ZNF544: variants seen among roughly 807,000 people sequenced by gnomAD.
ZNF544 encodes the protein zinc finger protein AF020591.
ZNF544 carries 10 observed loss-of-function variants against 13.5 expected under a neutral mutation model. The observed-to-expected ratio is 0.74, with a 90% CI of 0.46 to 1.25. The LOEUF (loss-of-function observed/expected upper bound fraction) is 1.25. Ranked by LOEUF, ZNF544 falls within the 50% of genes most tolerant of loss-of-function variation. The pLI is 0.00. For synonymous variants in ZNF544, 323 were observed against 300.5 expected (o/e 1.07, Z -0.77); for missense variants, 896 against 845.6 (o/e 1.06, Z -0.74).
At position 58,261,245 on chromosome 19, in the gene ZNF544, T is replaced by A; in HGVS notation, c.639T>A (p.Cys213Ter). The A allele has an allele frequency of 6.2e-7, 1 of 1,614,202 alleles. No homozygotes were observed. Among genetic ancestry groups the A allele is most frequent in the African/African-American group, 1.3e-5 (1 of 75,058 alleles). ...AAAATGGAGCAGATGGGAAGCACTG[T>A]GAGAGTCATCAGTGTGCTAGAGCTT... ...HEKNGADGKH[C>*]ESHQCARAFC... Residue 213 changes from cysteine to a stop codon, truncating the protein, a stop_gained, in exon 7 of 7, where the codon TGT (cysteine) becomes TGA (stop). Coordinates refer to ENST00000687789, the MANE Select transcript of ZNF544 (RefSeq NM_014480.4). LOFTEE classifies it low-confidence loss of function (END_TRUNC).
chr19:58,238,571 G>A (rs539202427), intron 3 of ZNF544, among the ~76,000 whole-genome samples: 108 of 152,254 alleles, frequency 7.1e-4, no homozygotes, highest in South Asian at 3.1e-3. Flanking sequence ...CTCAGTACAC[G>A]TGTGAGCATC....
chr19:58,259,572 A>G (rs1465007093), intron 6 of ZNF544: 1 of 152,212 alleles, frequency 6.6e-6, no homozygotes, highest in Non-Finnish European at 1.5e-5. Flanking sequence ...TCCAAATGGA[A>G]AACACATTTC....
chr19:58,268,041 T>G (rs560938480), downstream of ZNF544, among the ~76,000 whole-genome samples: 1 of 151,608 alleles, frequency 6.6e-6, no homozygotes, highest in East Asian at 1.9e-4. Flanking sequence ...GGCTCACGCC[T>G]ATAATCCCAA....
At chr19:58,241,183 T>TAATATATATATATATATATA (rs1254015931) in intron 3 of ZNF544, among the ~76,000 whole-genome samples, 3 of 31,456 alleles carry the variant, frequency 9.5e-5, no homozygotes, top group Admixed American at 4.0e-4. Flanking sequence ...ATATATATTT[T>TAATATATATATATATATATA]TTTTTTTTTG....
At chr19:58,240,761 C>CA (rs1233492720) in intron 3 of ZNF544, among the ~76,000 whole-genome samples, 1,820 of 139,796 alleles carry the variant, frequency 0.013, 29 homozygotes, top group African/African-American at 0.043. Context: ...AACTCCATCT[C>CA]AAAAAAAAAA....
intron 3 of ZNF544, 89 bp downstream of exon 3, chr19:58,230,551 T>A (rs910636105): frequency 2.0e-5 from 3 of 152,202 alleles, no homozygotes; most frequent in African/African-American, 7.3e-5. Flanking sequence ...AAGGACAGGG[T>A]TAGAGAGCAA....
intron 6 of ZNF544, among the ~76,000 whole-genome samples, chr19:58,253,279 A>G (rs1396654590): frequency 6.6e-6 from 1 of 152,264 alleles, no homozygotes; most frequent in African/African-American, 2.4e-5. Flanking sequence ...TCTGAAAACT[A>G]AGATAGTAGA....
At chr19:58,238,163 C>G (rs758975817) in intron 3 of ZNF544, among the ~76,000 whole-genome samples, 1 of 152,160 alleles carries the variant, frequency 6.6e-6, no homozygotes, top group Non-Finnish European at 1.5e-5. Context: ...AACTCCTGAC[C>G]TCAGGTGATC....
rs542294290 is a variant in ZNF544 at position 58,271,988 on chromosome 19, C to T, written c.245-4335C>T. Reference sequence around the variant, plus strand: ...ACCAGCCTGGCCGACATGGTGAAACCCTGTCCCCACTAAAAATGCAAAAAT... The same window carrying T: ...ACCAGCCTGGCCGACATGGTGAAACTCTGTCCCCACTAAAAATGCAAAAAT... On this transcript the variant is annotated intron_variant, in intron 5 of 6. Transcript: ENST00000595981. Among the ~76,000 whole-genome samples the T allele has an allele frequency of 5.3e-5, 8 of 152,094 alleles. No individual in the cohort carries two copies. In the East Asian group the frequency reaches 1.2e-3, roughly 22 times the overall value.
chr19:58,229,920 A>C (rs1233383255), intron 2 of ZNF544: 1 of 152,636 alleles, frequency 6.6e-6, no homozygotes, highest in Non-Finnish European at 1.5e-5. Context: ...AAAGACAGGA[A>C]GGAGTGGAGG....
At chr19:58,273,894 C>A (rs2147924119) in intron 5 of ZNF544, among the ~76,000 whole-genome samples, 1 of 151,818 alleles carries the variant, frequency 6.6e-6, no homozygotes, top group East Asian at 2.0e-4. Context: ...CTCCCGGGTT[C>A]AAGTGATTCT....
At chr19:58,247,174 C>G (rs1291537960) in intron 6 of ZNF544, 2 of 155,990 alleles carry the variant, frequency 1.3e-5, no homozygotes, top group Non-Finnish European at 2.8e-5. Flanking sequence ...TAGCCCCCAT[C>G]TCCCTGGCTC....
chr19:58,248,399 A>T (rs1397204800), intron 6 of ZNF544, among the ~76,000 whole-genome samples: 1 of 150,032 alleles, frequency 6.7e-6, no homozygotes, highest in African/African-American at 2.5e-5. Context: ...TGCCTGGCTA[A>T]TGTAAAAATT....
intron 3 of ZNF544, 90 bp from the exon 4 acceptor site, chr19:58,243,875 G>A: frequency 9.3e-7 from 1 of 1,078,074 alleles, no homozygotes; most frequent in South Asian, 1.9e-5. Flanking sequence ...AGCCCTGCTT[G>A]TGGCCGGCCC....
Position 58,262,456 on chromosome 19 carries a change from C to T in ZNF544, c.1850C>T (p.Thr617Ile), listed in dbSNP as rs2049180392. The change falls in exon 7 of 7, where the codon ACT (threonine) becomes ATT (isoleucine). Residue 617 changes from threonine to isoleucine, a missense_variant. Coordinates refer to ENST00000687789, the MANE Select transcript of ZNF544 (RefSeq NM_014480.4). ...TGTGGAAAAGCCTTCAATCGAAGCA[C>T]TCAGCTCATCAGGCATCTGCAAATT... is the stretch of plus-strand genomic sequence containing the variant. ...NECGKAFNRS[T>I]QLIRHLQIHT... 9 of 1,614,208 alleles carry T rather than the reference C, an allele frequency of 5.6e-6. No homozygotes were observed. Among genetic ancestry groups the T allele is most frequent in the Non-Finnish European group, 7.6e-6 (9 of 1,180,034 alleles).
chr19:58,240,626 G>A (rs963670748), intron 3 of ZNF544, among the ~76,000 whole-genome samples: 3 of 152,058 alleles, frequency 2.0e-5, no homozygotes, highest in African/African-American at 7.2e-5. Context: ...GCTGGGCATT[G>A]TGATGCGCGC....
intron 3 of ZNF544, among the ~76,000 whole-genome samples, chr19:58,236,080 A>G (rs1024262600): frequency 1.1e-4 from 16 of 150,972 alleles, no homozygotes; most frequent in African/African-American, 3.7e-4. Context: ...ACAAAAAAAC[A>G]ACTTCATGTC....
chr19:58,269,548 T>C (rs2050359573), intron 5 of ZNF544, among the ~76,000 whole-genome samples: 1 of 145,412 alleles, frequency 6.9e-6, no homozygotes, highest in South Asian at 2.2e-4. Context: ...GAGGTGGAGG[T>C]TGCAGTGAGC....
chr19:58,261,509 T>G lies in ZNF544; in HGVS notation c.903T>G (p.Asp301Glu). The stretch of plus-strand genomic sequence containing the variant: ...TTGGGAAAAGTCAGTATGAGTGTGA[T>G]GAGTGCAGGGAAACCTGTTCTGAGA... ...VHFGKSQYEC[D>E]ECRETCSESL... The change falls in exon 7 of 7, where the codon GAT becomes GAG. Residue 301 changes from aspartate (D) to glutamate (E), a missense_variant. By Grantham distance (45) the Asp-to-Glu change is conservative. Coordinates refer to ENST00000687789, the MANE Select transcript of ZNF544 (RefSeq NM_014480.4). The G allele has an allele frequency of 6.2e-7, 1 of 1,614,198 alleles. No homozygotes were observed. Among genetic ancestry groups the G allele is most frequent in the Non-Finnish European group, 8.5e-7 (1 of 1,180,042 alleles).
Sources: gnomAD v4.1 joint callset for allele counts (sites outside exome capture counted in the v4.1 genomes callset) on GRCh38, gnomAD v4.1.1 for gene constraint, MANE v1.5 for transcripts, NCBI Gene and HGNC (gene_info 2026-07-23, HGNC 2026-07-21) for gene names.